The following DPP4 variants were observed in gnomAD, a reference collection of about 807,000 sequenced individuals.
The protein encoded by DPP4 is dipeptidyl peptidase 4.
Under a neutral mutation model 122.4 loss-of-function variants are expected in DPP4, and 93 were observed. The observed-to-expected ratio is 0.76, with a 90% CI of 0.64 to 0.90. The LOEUF (loss-of-function observed/expected upper bound fraction) is 0.90. DPP4 is among the 40% of genes least tolerant of loss of function. The pLI is 0.00. For missense variants in DPP4, 914 were observed against 907.3 expected (o/e 1.01, Z -0.09); for synonymous variants, 321 against 302.9 (o/e 1.06, Z -0.62).
intron 2 of DPP4, among the ~76,000 whole-genome samples, chr2:162,072,643 G>A (rs1308304015): frequency 2.0e-5 from 3 of 152,172 alleles, no homozygotes; most frequent in Admixed American, 2.0e-4. Context: ...GGAAAGTAAG[G>A]CCAGGGGAGA....
chr2:162,068,059 T>C (rs1376314594), intron 2 of DPP4, among the ~76,000 whole-genome samples: 1 of 152,170 alleles, frequency 6.6e-6, no homozygotes, highest in Non-Finnish European at 1.5e-5. Context: ...GTAACTTACA[T>C]CAGAAGCAAA....
chr2:162,020,228 C>G lies in DPP4; in HGVS notation c.1244+1G>C, dbSNP rs1389452748. 1 of 1,610,526 alleles carries G rather than the reference C, an allele frequency of 6.2e-7. No homozygotes were observed. Among genetic ancestry groups the G allele is most frequent in the African/African-American group, 1.3e-5 (1 of 74,162 alleles). On this transcript the variant is annotated splice_donor_variant, in intron 14 of 25. Coordinates refer to ENST00000360534, the MANE Select transcript of DPP4 (RefSeq NM_001935.4). LOFTEE classifies it high-confidence loss of function. ...ATCCTATCAATTGTTACAATACTCA[C>G]AGATAATCACTGGTTAGAGCTTCTA...
chr2:162,047,626 A>C, intron 2 of DPP4, 125 bp from the exon 3 acceptor site: 2 of 545,718 alleles, frequency 3.7e-6, no homozygotes, highest in Admixed American at 3.1e-5. Flanking sequence ...TACTCACAAA[A>C]TGCAAGACAC....
At chr2:162,071,944 C>G (rs1685131772) in intron 2 of DPP4, among the ~76,000 whole-genome samples, 1 of 152,190 alleles carries the variant, frequency 6.6e-6, no homozygotes, top group African/African-American at 2.4e-5. Flanking sequence ...CAGTTTTACT[C>G]AAACTTCCAG....
chr2:162,043,563 G>A (rs1417362965), intron 5 of DPP4, among the ~76,000 whole-genome samples: 1 of 152,198 alleles, frequency 6.6e-6, no homozygotes, highest in Non-Finnish European at 1.5e-5. Flanking sequence ...GGGAATACAC[G>A]CATTCGTGCA....
rs761908679 is a variant in DPP4 at position 162,008,548 on chromosome 2, C to A, written c.1987+14G>T. 2.5e-6 allele frequency: 4 copies of A among 1,608,498 alleles called. No individual in the cohort carries two copies. The highest frequency in any genetic ancestry group is 1.7e-5 in the Admixed American group (1 of 59,890). On this transcript the variant is annotated intron_variant, in intron 22 of 25. Transcript: ENST00000360534. ...ACACTCCGTATCTCTTTGTACCTGG[C>A]AGCAATTACATACCATAGTACTCCC...
At chr2:162,014,510 A>C in intron 18 of DPP4, 45 bp from the exon 19 acceptor site, 1 of 1,445,662 alleles carries the variant, frequency 6.9e-7, no homozygotes, top group Non-Finnish European at 9.6e-7. Flanking sequence ...AAAAATTATT[A>C]GCACAAGATT....
chr2:162,022,748 C>T lies in DPP4; in HGVS notation c.1068+7G>A. On this transcript the variant is annotated splice_region_variant and intron_variant, in intron 12 of 25. Transcript: ENST00000360534. ...ATCCATAAAACCCCACAACTTATAA[C>T]ACTTACTCTTCCAACCCAGCCAGTA... 15 of 1,614,004 alleles carry T rather than the reference C, an allele frequency of 9.3e-6. No homozygotes were observed. Among genetic ancestry groups the T allele is most frequent in the Non-Finnish European group, 1.3e-5 (15 of 1,179,958 alleles).
At chr2:162,065,857 A>G (rs1005489451) in intron 2 of DPP4, among the ~76,000 whole-genome samples, 1 of 152,182 alleles carries the variant, frequency 6.6e-6, no homozygotes, top group Non-Finnish European at 1.5e-5. Context: ...GTGTCTTTTA[A>G]TGCTGTCAAT....
intron 9 of DPP4, 51 bp from the exon 10 acceptor site, chr2:162,033,704 A>C: frequency 7.9e-7 from 1 of 1,260,184 alleles, no homozygotes; most frequent in Non-Finnish European, 1.1e-6. Context: ...AAAAAGTAAC[A>C]TCGTTGCACA....
chr2:162,067,104 G>C (rs1477915789), intron 2 of DPP4, among the ~76,000 whole-genome samples: 1 of 28,028 alleles, frequency 3.6e-5, no homozygotes, highest in East Asian at 4.9e-4. Context: ...AGCCACTGTT[G>C]GACCTTGGCC....
At chr2:162,052,740 G>A (rs913375774) in intron 2 of DPP4, among the ~76,000 whole-genome samples, 1 of 152,160 alleles carries the variant, frequency 6.6e-6, no homozygotes, top group Non-Finnish European at 1.5e-5. Flanking sequence ...CACAATTCTG[G>A]CGAGGGCTCA....
intron 12 of DPP4, among the ~76,000 whole-genome samples, chr2:162,021,214 A>G (rs1683113990): frequency 1.3e-5 from 2 of 152,230 alleles, no homozygotes; most frequent in Admixed American, 6.5e-5. Flanking sequence ...ACTACATACT[A>G]TAAGGAATGT....
At chr2:161,998,482 A>G (rs888759926) in intron 23 of DPP4, among the ~76,000 whole-genome samples, 8 of 152,044 alleles carry the variant, frequency 5.3e-5, no homozygotes, top group Non-Finnish European at 1.2e-4. Context: ...CAACTGTGCC[A>G]CCTCACCTCA....
intron 9 of DPP4, 33 bp from the exon 10 acceptor site, chr2:162,033,686 C>G: frequency 8.8e-7 from 1 of 1,134,496 alleles, no homozygotes; most frequent in Non-Finnish European, 1.2e-6. Context: ...TTGGTATTGA[C>G]AAAAAAAAAA....
At chr2:162,050,456 G>C (rs1576065609) in intron 2 of DPP4, among the ~76,000 whole-genome samples, 1 of 152,000 alleles carries the variant, frequency 6.6e-6, no homozygotes. Context: ...GCTCATGATG[G>C]CTCCCTGTGA....
At chr2:162,053,136 T>C (rs1684440704) in intron 2 of DPP4, among the ~76,000 whole-genome samples, 1 of 152,194 alleles carries the variant, frequency 6.6e-6, no homozygotes, top group African/African-American at 2.4e-5. Flanking sequence ...CCTCCCCAGG[T>C]TGTAAAGACT....
intron 5 of DPP4, among the ~76,000 whole-genome samples, chr2:162,041,824 T>C (rs888825320): frequency 1.1e-4 from 16 of 152,210 alleles, no homozygotes; most frequent in Non-Finnish European, 1.8e-4. Flanking sequence ...AGCTATCATC[T>C]ATCAGACATT....
At chr2:162,003,612 T>C (rs1701207450) in intron 23 of DPP4, among the ~76,000 whole-genome samples, 2 of 152,186 alleles carry the variant, frequency 1.3e-5, no homozygotes, top group Non-Finnish European at 2.9e-5. Flanking sequence ...CCTAGGCAGT[T>C]GCACCTCTAA....
Sources: allele counts gnomAD v4.1 joint callset (sites outside exome capture counted in the v4.1 genomes callset), GRCh38; gene constraint gnomAD v4.1.1; transcripts MANE v1.5; gene names NCBI Gene and HGNC (gene_info 2026-07-23, HGNC 2026-07-21).